The following CAMTA1 variants were observed in gnomAD, a reference collection of about 807,000 sequenced individuals.
CAMTA1 encodes the protein calmodulin-binding transcription activator 1.
In CAMTA1, 27 loss-of-function variants were observed where a neutral mutation model predicts 170.9. The observed-to-expected ratio is 0.16, with a 90% CI of 0.12 to 0.22. CAMTA1 has a LOEUF of 0.22. CAMTA1 is among the 10% of genes least tolerant of loss of function. The pLI, the probability that CAMTA1 is intolerant of heterozygous loss-of-function variation, is 1.00. For missense variants in CAMTA1, 1,619 were observed against 2,217.2 expected (o/e 0.73, Z 5.42); for synonymous variants, 833 against 891.5 (o/e 0.93, Z 1.17).
chr1:7,353,592 T>G (rs1024403622), intron 5 of CAMTA1, among the ~76,000 whole-genome samples: 2 of 151,830 alleles, frequency 1.3e-5, no homozygotes, highest in African/African-American at 4.8e-5. Flanking sequence ...ACCCAGCTAA[T>G]TTTGTATTTT....
chr1:7,240,148 G>C (rs909601478), intron 4 of CAMTA1, among the ~76,000 whole-genome samples: 1 of 152,120 alleles, frequency 6.6e-6, no homozygotes, highest in African/African-American at 2.4e-5. Context: ...TCCATGCCCA[G>C]ATCCATTAAT....
intron 3 of CAMTA1, among the ~76,000 whole-genome samples, chr1:6,930,870 CA>C (rs1284450613): frequency 6.6e-6 from 1 of 152,252 alleles, no homozygotes; most frequent in African/African-American, 2.4e-5. Flanking sequence ...TGGGAAGGAG[CA>C]TCTGTTTCCT....
At chr1:6,982,532 G>A (rs181978262) in intron 3 of CAMTA1, among the ~76,000 whole-genome samples, 12 of 152,164 alleles carry the variant, frequency 7.9e-5, no homozygotes, top group Non-Finnish European at 1.6e-4. Flanking sequence ...ACAGCCCTTG[G>A]AACAAGTGTT....
chr1:7,483,974 G>A (rs1479928292), intron 6 of CAMTA1, among the ~76,000 whole-genome samples: 1 of 152,192 alleles, frequency 6.6e-6, no homozygotes, highest in African/African-American at 2.4e-5. Context: ...CCTTGGCCAG[G>A]GAGACTGGGG....
intron 6 of CAMTA1, among the ~76,000 whole-genome samples, chr1:7,579,552 C>CTTTTTTTTTTTTTTTTTGTTTTTTT (rs2095238968): frequency 1.3e-5 from 1 of 79,194 alleles, no homozygotes; most frequent in Non-Finnish European, 2.3e-5. Context: ...CTTTTCTTTT[C>CTTTTTTTTTTTTTTTTTGTTTTTTT]TTTTTTTTTT....
In CAMTA1 at chr1:7,088,584, A is replaced by G. The variant is rs17345768; in HGVS notation, c.235-2720A>G. Among the ~76,000 whole-genome samples the G allele has an allele frequency of 7.6e-3, 1,152 of 152,358 alleles. 4 individuals carry two copies. The highest frequency in any genetic ancestry group is 0.012 in the Non-Finnish European group (850 of 68,032). On this transcript the variant is annotated intron_variant, in intron 3 of 22. Transcript: ENST00000303635. ...AGGAGTTTTTCCCCTTCGGCGGGCC[A>G]TAGCAGTAGGAAGCCCTGTCAGGCT...
intron 6 of CAMTA1, among the ~76,000 whole-genome samples, chr1:7,574,217 G>T (rs557626329): frequency 5.1e-4 from 72 of 142,170 alleles, no homozygotes; most frequent in Admixed American, 1.3e-3. Flanking sequence ...GCCGAGCTCT[G>T]AGCCAAGGGC....
intron 6 of CAMTA1, among the ~76,000 whole-genome samples, chr1:7,485,693 C>A (rs1204754): frequency 6.6e-6 from 1 of 152,018 alleles, no homozygotes; most frequent in African/African-American, 2.4e-5. Flanking sequence ...CGAGGCAGGA[C>A]TTCAGAAACC....
At chr1:7,549,197 G>A (rs867840108) in intron 6 of CAMTA1, among the ~76,000 whole-genome samples, 5 of 147,816 alleles carry the variant, frequency 3.4e-5, no homozygotes, top group South Asian at 2.2e-4. Flanking sequence ...GGAGGTGCCC[G>A]TGGAGGGTGC....
chr1:7,424,048 T>C (rs1241136141), intron 5 of CAMTA1, among the ~76,000 whole-genome samples: 2 of 152,078 alleles, frequency 1.3e-5, no homozygotes, highest in Non-Finnish European at 2.9e-5. Flanking sequence ...GTGAGGTGCT[T>C]GGTGGGCACC....
chr1:7,167,662 A>G (rs1244870726), intron 4 of CAMTA1, among the ~76,000 whole-genome samples: 1 of 152,152 alleles, frequency 6.6e-6, no homozygotes, highest in Non-Finnish European at 1.5e-5. Context: ...GGAGATTTTG[A>G]TTGGAATTAC....
At chr1:7,057,212 A>G (rs1707473792) in intron 3 of CAMTA1, among the ~76,000 whole-genome samples, 1 of 152,120 alleles carries the variant, frequency 6.6e-6, no homozygotes, top group Non-Finnish European at 1.5e-5. Context: ...GATGAATCCT[A>G]TCTCCAGTTT....
chr1:6,989,503 G>A (rs1695953841), intron 3 of CAMTA1, among the ~76,000 whole-genome samples: 1 of 152,216 alleles, frequency 6.6e-6, no homozygotes, highest in Non-Finnish European at 1.5e-5. Context: ...TGTGGAGGCT[G>A]TTTTGCATAT....
intron 3 of CAMTA1, among the ~76,000 whole-genome samples, chr1:6,882,540 A>G (rs1457896396): frequency 2.0e-5 from 3 of 152,180 alleles, no homozygotes; most frequent in African/African-American, 4.8e-5. Flanking sequence ...GAAGAATGCT[A>G]TTCTTCTTTA....
At chr1:7,587,919 G>T (rs991576351) in intron 6 of CAMTA1, among the ~76,000 whole-genome samples, 33 of 152,098 alleles carry the variant, frequency 2.2e-4, no homozygotes, top group African/African-American at 6.0e-4. Flanking sequence ...GTAAAGCACC[G>T]GGTACCTCCC....
At chr1:7,401,366 T>C (rs1198113960) in intron 5 of CAMTA1, among the ~76,000 whole-genome samples, 1 of 152,212 alleles carries the variant, frequency 6.6e-6, no homozygotes, top group Non-Finnish European at 1.5e-5. Flanking sequence ...AACTACCCCT[T>C]TGCCAATTCT....
Position 7,684,352 on chromosome 1 carries a change from A to G in CAMTA1, c.2914+6619A>G, listed in dbSNP as rs1235983505. 3.9e-5 allele frequency among the ~76,000 whole-genome samples: 6 copies of G among 152,332 alleles called. No homozygotes were observed. The East Asian group carries it at 5.8e-4, about 15-fold the overall frequency. On this transcript the variant is annotated intron_variant, in intron 11 of 22. Transcript: ENST00000303635. The stretch of plus-strand genomic sequence containing the variant: ...TGGCAGCTCAGACCCTCCAGGGGTC[A>G]AGATCAGCCAGCTGTTCCTGTGACT...
chr1:7,454,899 CAG>C (rs2092914857), intron 5 of CAMTA1, among the ~76,000 whole-genome samples: 1 of 152,180 alleles, frequency 6.6e-6, no homozygotes, highest in Admixed American at 6.5e-5. Context: ...TGCTAAACTG[CAG>C]ACTTATTTTA....
At position 7,249,752 on chromosome 1, in the gene CAMTA1, C is replaced by A; in HGVS notation, c.438+126C>A. 1 of 1,131,234 alleles carries A rather than the reference C, an allele frequency of 8.8e-7. No homozygotes were observed. Among genetic ancestry groups the A allele is most frequent in the Non-Finnish European group, 1.2e-6 (1 of 814,544 alleles). 70.1% of individuals were successfully genotyped at this position (1,131,234 alleles called of 1,614,324 possible). ...CAAAGAATTTTTGTTTGCCAAGACC[C>A]TGGTTTTTGCTTTTGTTTCGTTTTT... On this transcript the variant is annotated intron_variant, in intron 5 of 22. Coordinates refer to ENST00000303635, the MANE Select transcript of CAMTA1 (RefSeq NM_015215.4). The surrounding 1 kb of genome is among the most constrained non-coding windows in gnomAD (Gnocchi z 4.4).
Sources: allele counts gnomAD v4.1 joint callset (sites outside exome capture counted in the v4.1 genomes callset), GRCh38; gene constraint gnomAD v4.1.1; non-coding constraint Gnocchi (gnomAD v3.1); transcripts MANE v1.5; gene names NCBI Gene and HGNC (gene_info 2026-07-23, HGNC 2026-07-21).